Variants in ARL14EPL observed in about 807,000 individuals in gnomAD.
ARL14EPL encodes ARL14 effector protein-like.
A neutral mutation model predicts 15.9 loss-of-function variants in ARL14EPL; 17 were observed. That is an observed-to-expected ratio of 1.07 (90% CI 0.73 to 1.60). The LOEUF is 1.60. ARL14EPL is among the 40% of genes most tolerant of loss of function. ARL14EPL has a pLI of 0.00. For missense variants in ARL14EPL, 214 were observed against 185.9 expected (o/e 1.15, Z -0.88); for synonymous variants, 78 against 63.8 (o/e 1.22, Z -1.06).
chr5:116,034,085 T>C (rs1043971357), intron 1 of ARL14EPL, among the ~76,000 whole-genome samples: 7 of 152,198 alleles, frequency 4.6e-5, no homozygotes, highest in Admixed American at 4.6e-4. Context: ...GATTCACAGA[T>C]ACACATCAGA....
At chr5:116,043,081 C>T (rs1327011879) in intron 1 of ARL14EPL, among the ~76,000 whole-genome samples, 1 of 152,026 alleles carries the variant, frequency 6.6e-6, no homozygotes, top group Admixed American at 6.6e-5. Context: ...ATAAACAGTG[C>T]TGCAATGGAT....
At chr5:116,040,412 T>C (rs1749128021) in intron 1 of ARL14EPL, among the ~76,000 whole-genome samples, 1 of 150,782 alleles carries the variant, frequency 6.6e-6, no homozygotes, top group Non-Finnish European at 1.5e-5. Context: ...ATAACAGGAG[T>C]GAAGGGAAGG....
At chr5:116,045,985 T>C (rs1561578197) in intron 1 of ARL14EPL, among the ~76,000 whole-genome samples, 1 of 152,144 alleles carries the variant, frequency 6.6e-6, no homozygotes, top group Non-Finnish European at 1.5e-5. Context: ...TGAAACAGCT[T>C]GGAGAGGGCA....
chr5:116,043,492 C>G (rs1749203618), intron 1 of ARL14EPL, among the ~76,000 whole-genome samples: 1 of 151,906 alleles, frequency 6.6e-6, no homozygotes, highest in Non-Finnish European at 1.5e-5. Context: ...GTATTATTAC[C>G]TTTGAAAAAT....
At chr5:116,033,945 G>C (rs192924479) in intron 1 of ARL14EPL, among the ~76,000 whole-genome samples, 1 of 152,164 alleles carries the variant, frequency 6.6e-6, no homozygotes, top group African/African-American at 2.4e-5. Flanking sequence ...CGATATAAAG[G>C]CTTCCTCACT....
chr5:116,041,007 G>A (rs1044340390), intron 1 of ARL14EPL, among the ~76,000 whole-genome samples: 5 of 94,820 alleles, frequency 5.3e-5, no homozygotes, highest in Non-Finnish European at 1.2e-4. Context: ...TTTATGCTGT[G>A]CATCAAAAAA....
intron 1 of ARL14EPL, among the ~76,000 whole-genome samples, chr5:116,038,496 G>T (rs952950888): frequency 1.3e-5 from 2 of 152,146 alleles, no homozygotes; most frequent in African/African-American, 4.8e-5. Flanking sequence ...TGACAACGAG[G>T]CTGGGAAGGT....
intron 1 of ARL14EPL, among the ~76,000 whole-genome samples, chr5:116,041,783 A>G (rs145827103): frequency 6.6e-6 from 1 of 151,962 alleles, no homozygotes; most frequent in East Asian, 1.9e-4. Flanking sequence ...TTCCCCGTGC[A>G]TTTTTCAGGA....
At chr5:116,053,674 C>T (rs542815145) in intron 2 of ARL14EPL, among the ~76,000 whole-genome samples, 17 of 152,292 alleles carry the variant, frequency 1.1e-4, no homozygotes, top group African/African-American at 3.8e-4. Context: ...TTCATCCTTA[C>T]CCACATCAAA....
In ARL14EPL at chr5:116,048,029, G is replaced by T. The variant is rs188729556; in HGVS notation, c.-9-3428G>T. ...CACTACCCAACGTGCTTAATGAAGC[G>T]GTTGATTTCTATTCTGACCCAAGCC... On this transcript the variant is annotated intron_variant, in intron 1 of 3. Coordinates refer to ENST00000686077, the MANE Select transcript of ARL14EPL (RefSeq NM_001195581.2). Among the ~76,000 whole-genome samples the T allele has an allele frequency of 2.6e-5, 4 of 152,258 alleles. No homozygotes were observed. The South Asian group carries it at 8.3e-4, about 32-fold the overall frequency.
In ARL14EPL at chr5:116,046,486, C is replaced by A. The variant is rs1307286396; in HGVS notation, c.-9-4971C>A. ...CTGGAGTGTCGCTCAATGACCTGTG[C>A]CTCAGAGTGAGTGTGAAGATAGAGG... On this transcript the variant is annotated intron_variant, in intron 1 of 3. Transcript: ENST00000686077. 4.6e-5 allele frequency among the ~76,000 whole-genome samples: 7 copies of A among 152,116 alleles called. No homozygotes were observed. In the East Asian group the frequency reaches 1.4e-3, roughly 29 times the overall value.
chr5:116,057,208 T>TTTATAAGTAAAG (rs1052345767), intron 3 of ARL14EPL, among the ~76,000 whole-genome samples: 33 of 152,146 alleles, frequency 2.2e-4, no homozygotes, highest in Non-Finnish European at 4.1e-4. Flanking sequence ...AGAAAAGGCC[T>TTTATAAGTAAAG]TCGGAAGTGA....
Position 116,051,513 on chromosome 5 carries a change from A to G in ARL14EPL, c.48A>G (p.Thr16=). ...ACAATTCCATTCAAGAGAGACACAC[A>G]GATCATAGTTTTCCTGAGAAGAACT... ...EKNNSIQERH[T]DHSFPEKNCQ... is the part of the protein sequence containing the mutation. The change falls in exon 2 of 4, where the codon ACA becomes ACG. Residue 16 remains threonine, a synonymous_variant. Transcript: ENST00000686077. The G allele has an allele frequency of 6.5e-7, 1 of 1,535,870 alleles. No individual in the cohort carries two copies. Among genetic ancestry groups the G allele is most frequent in the South Asian group, 1.2e-5 (1 of 84,042 alleles).
intron 2 of ARL14EPL, chr5:116,052,271 T>A: frequency 6.4e-7 from 1 of 1,555,198 alleles, no homozygotes; most frequent in South Asian, 1.1e-5. Flanking sequence ...CTTCTCGTCG[T>A]CCTTGGGCGG....
intron 1 of ARL14EPL, among the ~76,000 whole-genome samples, chr5:116,044,463 C>T (rs1749226253): frequency 1.4e-5 from 2 of 144,498 alleles, no homozygotes; most frequent in African/African-American, 2.5e-5. Flanking sequence ...TGAAGAAAAA[C>T]ATTATATATA....
rs1157430348 is a variant in ARL14EPL at position 116,058,879 on chromosome 5, G to A, written c.391G>A (p.Val131Ile). The change falls in exon 4 of 4, where the codon GTT becomes ATT. Residue 131 changes from valine (V) to isoleucine (I), a missense_variant. By Grantham distance (29) the Val-to-Ile change is conservative. Transcript: ENST00000686077. ...CGAGTGCCGCTGCAACCGACGGTGG[G>A]TTTACGATGCCATCGTCACTGAGTC... ...GPECRCNRRW[V>I]YDAIVTESGE... 2.0e-6 allele frequency: 3 copies of A among 1,536,080 alleles called. No homozygotes were observed. Among genetic ancestry groups the A allele is most frequent in the South Asian group, 1.2e-5 (1 of 84,054 alleles).
intron 3 of ARL14EPL, among the ~76,000 whole-genome samples, chr5:116,056,461 C>CTA (rs1749520163): frequency 6.6e-6 from 1 of 152,164 alleles, no homozygotes; most frequent in South Asian, 2.1e-4. Context: ...AGAAGTGTCT[C>CTA]TTCATATCCT....
chr5:116,058,002 T>G (rs1436015692), intron 3 of ARL14EPL, among the ~76,000 whole-genome samples: 3 of 152,202 alleles, frequency 2.0e-5, no homozygotes, highest in South Asian at 2.1e-4. Context: ...CCTGTGAAAG[T>G]CCTTTGTCCC....
chr5:116,044,658 G>C (rs886534703), intron 1 of ARL14EPL, among the ~76,000 whole-genome samples: 1 of 152,086 alleles, frequency 6.6e-6, no homozygotes, highest in Non-Finnish European at 1.5e-5. Context: ...TGATTATTGT[G>C]AATGGAAGAT....
Sources: allele counts gnomAD v4.1 joint callset (sites outside exome capture counted in the v4.1 genomes callset), GRCh38; gene constraint gnomAD v4.1.1; transcripts MANE v1.5; gene names NCBI Gene and HGNC (gene_info 2026-07-23, HGNC 2026-07-21).